Variants in KIRREL3 observed in about 807,000 individuals in gnomAD.
The protein encoded by KIRREL3 is kirre like nephrin family adhesion molecule 3.
A neutral mutation model predicts 89.7 loss-of-function variants in KIRREL3; 36 were observed. The ratio of observed to expected loss-of-function variants is 0.40; its 90% CI spans 0.31 to 0.53. The LOEUF is 0.53. Among genes scored for constraint, KIRREL3 ranks in the 20% least tolerant of loss-of-function variants. The pLI, the probability that KIRREL3 is intolerant of heterozygous loss-of-function variation, is 0.49. For missense variants in KIRREL3, 864 were observed against 1,056.6 expected (o/e 0.82, Z 2.53); for synonymous variants, 445 against 441.4 (o/e 1.01, Z -0.10).
In KIRREL3 at chr11:126,519,768, C is replaced by A. The variant is rs73013484; in HGVS notation, c.433+1547G>T. On this transcript the variant is annotated intron_variant, in intron 4 of 16. Transcript: ENST00000525144. The surrounding 1 kb of genome is among the most constrained non-coding windows in gnomAD (Gnocchi z 4.3). ...ATTTTGCAATCCTCAAAATCAGAAA[C>A]AATATGAGGCCCTAATTCCTCCTCC... 0.072 allele frequency among the ~76,000 whole-genome samples: 10,893 copies of A among 152,206 alleles called. 556 individuals carry two copies. The highest frequency in any genetic ancestry group is 0.11 in the Non-Finnish European group (7,513 of 67,992).
In KIRREL3 at chr11:126,772,583, G is replaced by A. The variant is rs1359401747; in HGVS notation, c.56-209671C>T. Among the ~76,000 whole-genome samples the A allele has an allele frequency of 6.6e-6, 1 of 152,226 alleles. No individual in the cohort carries two copies. The highest frequency in any genetic ancestry group is 6.5e-5 in the Admixed American group (1 of 15,282). On this transcript the variant is annotated intron_variant, in intron 1 of 16. Transcript: ENST00000525144. The surrounding 1 kb of genome is among the most constrained non-coding windows in gnomAD (Gnocchi z 4.6). ...ACAGAGTGGGAAGGGCAGATGAGCA[G>A]AATCAACGTGGGCAGGAAAGAGCAA...
intron 1 of KIRREL3, among the ~76,000 whole-genome samples, chr11:126,816,757 G>A (rs1951586199): frequency 6.6e-6 from 1 of 152,202 alleles, no homozygotes; most frequent in South Asian, 2.1e-4. Context: ...TTGCGCCAAA[G>A]CCTGGTCTCC....
In KIRREL3 at chr11:126,669,628, A is replaced by G. The variant is rs1945845912; in HGVS notation, c.56-106716T>C. On this transcript the variant is annotated intron_variant, in intron 1 of 16. Transcript: ENST00000525144. The surrounding 1 kb of genome is among the most constrained non-coding windows in gnomAD (Gnocchi z 5.0). Reference sequence around the variant, plus strand: ...ACTCATTCAAGCCCTCCCACGAGTCAGATTACCCAGTCAGCCAGTAAATGT... The same window carrying G: ...ACTCATTCAAGCCCTCCCACGAGTCGGATTACCCAGTCAGCCAGTAAATGT... Among the ~76,000 whole-genome samples, 1 of 152,182 alleles carries G rather than the reference A, an allele frequency of 6.6e-6. No individual in the cohort carries two copies. The highest frequency in any genetic ancestry group is 1.5e-5 in the Non-Finnish European group (1 of 68,036).
chr11:126,743,874 A>AGGAGCT (rs1949056813), intron 1 of KIRREL3, among the ~76,000 whole-genome samples: 1 of 152,188 alleles, frequency 6.6e-6, no homozygotes, highest in Admixed American at 6.5e-5. Context: ...TGTGTGTGGT[A>AGGAGCT]TGTATATGAG....
In KIRREL3 at chr11:126,777,819, C is replaced by G. The variant is rs563397360; in HGVS notation, c.56-214907G>C. On this transcript the variant is annotated intron_variant, in intron 1 of 16. Transcript: ENST00000525144. ...CTGTAACTATTTATCTCTAGATCAG[C>G]CTTCTTGTTAGATTGTGGGCTCCTT... Among the ~76,000 whole-genome samples, 6 of 152,210 alleles carry G rather than the reference C, an allele frequency of 3.9e-5. No individual in the cohort carries two copies. The South Asian group carries it at 6.2e-4, about 16-fold the overall frequency.
intron 1 of KIRREL3, among the ~76,000 whole-genome samples, chr11:126,725,340 A>G: frequency 2.9e-5 from 1 of 34,860 alleles, no homozygotes; most frequent in East Asian, 0.014. Context: ...AGGAGCGATC[A>G]AAGCAAAAAA....
intron 7 of KIRREL3, among the ~76,000 whole-genome samples, chr11:126,450,707 G>A (rs1320630057): frequency 6.6e-6 from 1 of 150,458 alleles, no homozygotes; most frequent in African/African-American, 2.5e-5. Flanking sequence ...GCGTGCATGT[G>A]CGAGTTTGTG....
intron 1 of KIRREL3, among the ~76,000 whole-genome samples, chr11:126,700,650 G>A (rs894173029): frequency 1.3e-5 from 2 of 152,284 alleles, no homozygotes; most frequent in African/African-American, 4.8e-5. Context: ...TAGAAGGCTG[G>A]GGAGTGGGCC....
chr11:126,871,046 T>C (rs1463444356), intron 1 of KIRREL3, among the ~76,000 whole-genome samples: 2 of 152,174 alleles, frequency 1.3e-5, no homozygotes, highest in Non-Finnish European at 2.9e-5. Flanking sequence ...ATCAAGAGCA[T>C]CCACGGAGCC....
chr11:126,729,662 C>A lies in KIRREL3; in HGVS notation c.56-166750G>T, dbSNP rs1948533643. On this transcript the variant is annotated intron_variant, in intron 1 of 16. Coordinates refer to ENST00000525144, the MANE Select transcript of KIRREL3 (RefSeq NM_032531.4). This position sits in a 1 kb window ranked among gnomAD's most constrained non-coding sequence, Gnocchi z 4.5. ...CCAGGAGCTCACAGGTGGGTGTGAA[C>A]CTGGGGACCCTCCGTAGATACTCAT... Among the ~76,000 whole-genome samples the A allele has an allele frequency of 6.6e-6, 1 of 151,684 alleles. No homozygotes were observed. Among genetic ancestry groups the A allele is most frequent in the Non-Finnish European group, 1.5e-5 (1 of 67,918 alleles).
Position 126,508,504 on chromosome 11 carries a change from G to A in KIRREL3, c.433+12811C>T, listed in dbSNP as rs1177869394. ...TTTGGAAGCCTTGGGTTTGCTCTTCGAGCCGACTCCCCGATTCCATGAGCC... is the reference window on the plus strand; with the variant it reads ...TTTGGAAGCCTTGGGTTTGCTCTTCAAGCCGACTCCCCGATTCCATGAGCC... On this transcript the variant is annotated intron_variant, in intron 4 of 16. Coordinates refer to ENST00000525144, the MANE Select transcript of KIRREL3 (RefSeq NM_032531.4). This position sits in a 1 kb window ranked among gnomAD's most constrained non-coding sequence, Gnocchi z 4.9. 2.0e-5 allele frequency among the ~76,000 whole-genome samples: 3 copies of A among 152,220 alleles called. No homozygotes were observed. Among genetic ancestry groups the A allele is most frequent in the Non-Finnish European group, 2.9e-5 (2 of 68,006 alleles).
At chr11:126,546,544 C>A (rs1243726634) in intron 2 of KIRREL3, among the ~76,000 whole-genome samples, 1 of 152,224 alleles carries the variant, frequency 6.6e-6, no homozygotes, top group Non-Finnish European at 1.5e-5. Flanking sequence ...CTGTCCATTT[C>A]ATCTTAATAC....
chr11:126,983,536 G>A lies in KIRREL3; in HGVS notation c.55+16919C>T, dbSNP rs1949771625. ...GATATAATCACTTGGTTCCTTATGA[G>A]AAAGAAGCAGGTGGATCAGAGTCAG... On this transcript the variant is annotated intron_variant, in intron 1 of 16. Transcript: ENST00000525144. The surrounding 1 kb of genome is among the most constrained non-coding windows in gnomAD (Gnocchi z 4.9). Among the ~76,000 whole-genome samples the A allele has an allele frequency of 6.6e-6, 1 of 152,176 alleles. No homozygotes were observed. The highest frequency in any genetic ancestry group is 2.1e-4 in the South Asian group (1 of 4,832).
chr11:126,495,586 C>T lies in KIRREL3; in HGVS notation c.434-22120G>A, dbSNP rs1180789753. Among the ~76,000 whole-genome samples, 1 of 152,164 alleles carries T rather than the reference C, an allele frequency of 6.6e-6. No individual in the cohort carries two copies. The highest frequency in any genetic ancestry group is 1.5e-5 in the Non-Finnish European group (1 of 68,040). On this transcript the variant is annotated intron_variant, in intron 4 of 16. Transcript: ENST00000525144. The surrounding 1 kb of genome is among the most constrained non-coding windows in gnomAD (Gnocchi z 6.5). ...CCTTCCTCCTCCGGGTCTAGCGCCA[C>T]CCCAGCAGCAGATGCCTCAGGAAGG...
rs1024923534 is a variant in KIRREL3 at position 126,683,281 on chromosome 11, C to T, written c.56-120369G>A. Among the ~76,000 whole-genome samples, 3 of 152,140 alleles carry T rather than the reference C, an allele frequency of 2.0e-5. No homozygotes were observed. Among genetic ancestry groups the T allele is most frequent in the African/African-American group, 7.2e-5 (3 of 41,438 alleles). On this transcript the variant is annotated intron_variant, in intron 1 of 16. Coordinates refer to ENST00000525144, the MANE Select transcript of KIRREL3 (RefSeq NM_032531.4). This position sits in a 1 kb window ranked among gnomAD's most constrained non-coding sequence, Gnocchi z 5.2. Reference sequence around the variant, plus strand: ...TGGGAGCTACTTCCAAGGGCATGAACCAAATCTGGAAAGTAGAGTTGGGGT... The same window carrying T: ...TGGGAGCTACTTCCAAGGGCATGAATCAAATCTGGAAAGTAGAGTTGGGGT...
At chr11:126,862,582 G>C (rs1944739103) in intron 1 of KIRREL3, among the ~76,000 whole-genome samples, 1 of 152,226 alleles carries the variant, frequency 6.6e-6, no homozygotes, top group South Asian at 2.1e-4. Context: ...TCTGGGCAGT[G>C]AGAAGCCCTG....
chr11:126,556,035 C>A (rs532246831), intron 2 of KIRREL3, among the ~76,000 whole-genome samples: 1 of 152,234 alleles, frequency 6.6e-6, no homozygotes. Context: ...AGCCACCGTG[C>A]CCGGCCTTCA....
intron 1 of KIRREL3, among the ~76,000 whole-genome samples, chr11:126,737,441 T>C (rs1948840439): frequency 6.6e-6 from 1 of 151,798 alleles, no homozygotes; most frequent in Admixed American, 6.6e-5. Context: ...TCCACAGTCC[T>C]GGGGGCCTGG....
Position 126,496,944 on chromosome 11 carries a change from G to A in KIRREL3, c.434-23478C>T, listed in dbSNP as rs1453767698. Among the ~76,000 whole-genome samples the A allele has an allele frequency of 1.3e-5, 2 of 152,166 alleles. No homozygotes were observed. The highest frequency in any genetic ancestry group is 2.9e-5 in the Non-Finnish European group (2 of 68,032). The stretch of plus-strand genomic sequence containing the variant: ...TGGGCAGAACTGAGCAATGGAGGAG[G>A]AGGCCCACCCTTGCTGTAGGGAAAT... On this transcript the variant is annotated intron_variant, in intron 4 of 16. Transcript: ENST00000525144. This position sits in a 1 kb window ranked among gnomAD's most constrained non-coding sequence, Gnocchi z 4.9.
Sources: gnomAD v4.1 joint callset for allele counts (sites outside exome capture counted in the v4.1 genomes callset) on GRCh38, gnomAD v4.1.1 for gene constraint, Gnocchi (gnomAD v3.1) non-coding constraint, MANE v1.5 for transcripts, NCBI Gene and HGNC (gene_info 2026-07-23, HGNC 2026-07-21) for gene names.